The following LIFR variants were observed in gnomAD, a reference collection of about 807,000 sequenced individuals.
LIFR encodes the protein LIF receptor subunit alpha, also known as leukemia inhibitory factor receptor.
Under a neutral mutation model 122.2 loss-of-function variants are expected in LIFR, and 84 were observed. That is an observed-to-expected ratio of 0.69 (90% CI 0.58 to 0.82). The LOEUF (loss-of-function observed/expected upper bound fraction) is 0.82, where lower values mean the gene tolerates loss of function less well. Among genes scored for constraint, LIFR ranks in the 40% least tolerant of loss-of-function variants. The probability of loss-of-function intolerance (pLI) is 0.00; values close to 1 mark genes in which losing one functional copy is unlikely to be tolerated. For missense variants in LIFR, 1,294 were observed against 1,311.6 expected (o/e 0.99, Z 0.21); for synonymous variants, 422 against 434.7 (o/e 0.97, Z 0.36).
chr5:38,482,944 G>C (rs568899771), intron 18 of LIFR, among the ~76,000 whole-genome samples: 1 of 152,302 alleles, frequency 6.6e-6, no homozygotes, highest in East Asian at 1.9e-4. Context: ...TTGTGGCTGT[G>C]CCATCTAGTC....
chr5:38,555,999 AG>A (rs1748508904), intron 1 of LIFR, among the ~76,000 whole-genome samples: 2 of 152,208 alleles, frequency 1.3e-5, no homozygotes, highest in Non-Finnish European at 2.9e-5. Flanking sequence ...GTTGAAGCAG[AG>A]GGGCACGAAA....
At chr5:38,598,011 A>C (rs1334251062), upstream of LIFR, among the ~76,000 whole-genome samples, 1 of 151,928 alleles carries the variant, frequency 6.6e-6, no homozygotes, top group Non-Finnish European at 1.5e-5. Flanking sequence ...AAGGCTCCTT[A>C]GGAGGTGATA....
chr5:38,571,529 CAAA>C lies in LIFR; in HGVS notation c.-20+23729_-20+23731del, dbSNP rs11297745. On this transcript the variant is annotated intron_variant, in intron 1 of 19. Coordinates refer to the LIFR transcript ENST00000263409. ...AAGATTGTGCCACTGCATTCCAGCT[CAAA>C]AAAAAAAAAAAAAAAAAAAGCACTA... Among the ~76,000 whole-genome samples, 10 of 74,696 alleles carry C rather than the reference CAAA, an allele frequency of 1.3e-4. No individual in the cohort carries two copies. In the East Asian group the frequency reaches 2.0e-3, roughly 15 times the overall value. 49.0% of individuals were successfully genotyped at this position (74,696 alleles called of 152,430 possible).
In LIFR at chr5:38,552,038, A is replaced by C. The variant is rs113821792; in HGVS notation, c.-20+4296T>G. On this transcript the variant is annotated intron_variant, in intron 1 of 19. Coordinates refer to ENST00000453190, the MANE Select transcript of LIFR (RefSeq NM_001127671.2). ...ACTCTTTTACTGAAGAGCTTTTACTATATCAGGACAAAAGGACACAGGCTT... is the reference window on the plus strand; with the variant it reads ...ACTCTTTTACTGAAGAGCTTTTACTCTATCAGGACAAAAGGACACAGGCTT... 1.9e-3 allele frequency among the ~76,000 whole-genome samples: 296 copies of C among 152,338 alleles called. 4 individuals are homozygous for C. The highest frequency in any genetic ancestry group is 0.018 in the South Asian group (88 of 4,830).
chr5:38,547,561 C>T (rs981052081), intron 1 of LIFR, among the ~76,000 whole-genome samples: 7 of 151,914 alleles, frequency 4.6e-5, no homozygotes, highest in South Asian at 2.1e-4. Context: ...GTATCTTTCA[C>T]GACTACTGAG....
chr5:38,485,584 A>T, intron 17 of LIFR: 1 of 577,878 alleles, frequency 1.7e-6, no homozygotes, highest in Non-Finnish European at 3.1e-6. Context: ...CTTCAGATGT[A>T]TCCCAAATTC....
At chr5:38,567,296 T>C (rs946423810) in intron 1 of LIFR, among the ~76,000 whole-genome samples, 2 of 152,142 alleles carry the variant, frequency 1.3e-5, no homozygotes, top group Admixed American at 6.5e-5. Context: ...GACCAAATTC[T>C]GGGATCACTG....
chr5:38,485,091 T>A (rs544392577), intron 17 of LIFR, among the ~76,000 whole-genome samples: 1 of 152,220 alleles, frequency 6.6e-6, no homozygotes, highest in East Asian at 1.9e-4. Flanking sequence ...ATCTTGATAC[T>A]TGTGACATTT....
Position 38,528,946 on chromosome 5 carries a change from G to T in LIFR, c.143-106C>A. On this transcript the variant is annotated intron_variant, in intron 2 of 19. Transcript: ENST00000453190. ...TCTAAAAAGTCAACCATTTTCAGTT[G>T]TAAGCACAAGCATGTGTGTCTGCAG... is the stretch of plus-strand genomic sequence containing the variant. The T allele has an allele frequency of 4.1e-6, 3 of 736,874 alleles. 1 individual carries two copies. The highest frequency in any genetic ancestry group is 3.0e-5 in the South Asian group (2 of 66,556). The allele number at this position is 736,874 out of a possible 1,614,324, so 45.6% of individuals were successfully genotyped here.
intron 1 of LIFR, among the ~76,000 whole-genome samples, chr5:38,586,798 C>T (rs1749765566): frequency 6.6e-6 from 1 of 152,020 alleles, no homozygotes; most frequent in East Asian, 1.9e-4. Flanking sequence ...TTAGGTCTGG[C>T]ACATTGTTTC....
chr5:38,580,200 C>T (rs1290658961), intron 1 of LIFR, among the ~76,000 whole-genome samples: 1 of 152,180 alleles, frequency 6.6e-6, no homozygotes, highest in East Asian at 1.9e-4. Context: ...CATCCTTGTA[C>T]CTCCTCCACT....
At chr5:38,590,235 G>A (rs1749879754) in intron 1 of LIFR, among the ~76,000 whole-genome samples, 1 of 152,154 alleles carries the variant, frequency 6.6e-6, no homozygotes, top group South Asian at 2.1e-4. Context: ...GATCCTCTGG[G>A]GAGGCTGATT....
At chr5:38,586,396 A>T (rs1021460220) in intron 1 of LIFR, among the ~76,000 whole-genome samples, 1 of 152,264 alleles carries the variant, frequency 6.6e-6, no homozygotes, top group East Asian at 1.9e-4. Flanking sequence ...AGAAGATACA[A>T]GTCTGTTACA....
chr5:38,603,848 A>G (rs1255610900), intron 2 of LIFR, among the ~76,000 whole-genome samples: 3 of 152,180 alleles, frequency 2.0e-5, no homozygotes, highest in Non-Finnish European at 2.9e-5. Context: ...TCCTGTGGTC[A>G]GACTCAACTT....
At chr5:38,510,790 A>G in intron 6 of LIFR, 72 bp from the exon 7 acceptor site, 1 of 1,315,198 alleles carries the variant, frequency 7.6e-7, no homozygotes, top group Non-Finnish European at 1.1e-6. Context: ...GCATTTTAAG[A>G]CTTTCTTTTC....
chr5:38,496,932 A>G (rs1744913971), intron 12 of LIFR, among the ~76,000 whole-genome samples: 1 of 152,162 alleles, frequency 6.6e-6, no homozygotes, highest in Non-Finnish European at 1.5e-5. Flanking sequence ...AGCCAAGATC[A>G]TGCCACTGTA....
intron 1 of LIFR, among the ~76,000 whole-genome samples, chr5:38,590,669 A>G (rs1749894253): frequency 6.6e-6 from 1 of 152,184 alleles, no homozygotes; most frequent in Admixed American, 6.5e-5. Context: ...AGTCCTCACT[A>G]TGTACCAGAC....
intron 9 of LIFR, among the ~76,000 whole-genome samples, chr5:38,505,445 C>T (rs1036192315): frequency 1.3e-4 from 19 of 147,196 alleles, no homozygotes; most frequent in Admixed American, 4.8e-4. Flanking sequence ...CACACACACA[C>T]GAGTACAAAT....
intron 1 of LIFR, among the ~76,000 whole-genome samples, chr5:38,581,885 A>C (rs1177655397): frequency 6.6e-6 from 1 of 152,130 alleles, no homozygotes; most frequent in Non-Finnish European, 1.5e-5. Flanking sequence ...AAATGCCACC[A>C]CACATTCCTC....
Sources: allele counts gnomAD v4.1 joint callset (sites outside exome capture counted in the v4.1 genomes callset), GRCh38; gene constraint gnomAD v4.1.1; transcripts MANE v1.5; gene names NCBI Gene and HGNC (gene_info 2026-07-23, HGNC 2026-07-21).